The following U2SURP variants were observed in gnomAD, a reference collection of about 807,000 sequenced individuals.
U2SURP encodes U2 snRNP-associated SURP motif-containing protein.
In U2SURP, 9 loss-of-function variants were observed where a neutral mutation model predicts 144.9. The ratio of observed to expected loss-of-function variants is 0.06; its 90% CI spans 0.04 to 0.11. The LOEUF (loss-of-function observed/expected upper bound fraction) is 0.11. Ranked by LOEUF, U2SURP falls within the 10% of genes least tolerant of loss-of-function variation. U2SURP has a pLI of 1.00. For synonymous variants in U2SURP, 408 were observed against 396.8 expected, an observed-to-expected ratio of 1.03 and a Z score of -0.33; for missense variants, 724 against 1,226.7, an observed-to-expected ratio of 0.59 and a Z score of 6.12.
intron 8 of U2SURP, 113 bp from the exon 9 acceptor site, chr3:143,021,237 T>C: frequency 1.7e-6 from 2 of 1,187,496 alleles, no homozygotes; most frequent in Non-Finnish European, 1.2e-6. Flanking sequence ...TGGTCTCTCT[T>C]TTTGTCTCTC....
intron 18 of U2SURP, among the ~76,000 whole-genome samples, chr3:143,033,645 A>G (rs1011554522): frequency 6.6e-6 from 1 of 152,166 alleles, no homozygotes; most frequent in Non-Finnish European, 1.5e-5. Context: ...TAACCTAGAG[A>G]TGATTTAACA....
At position 143,059,583 on chromosome 3, in the gene U2SURP, G is replaced by T. The variant is rs1458829061; in HGVS notation, c.*3133G>T. The T allele has an allele frequency of 6.6e-6, 1 of 151,884 alleles. No individual in the cohort carries two copies. The highest frequency in any genetic ancestry group is 1.9e-4 in the East Asian group (1 of 5,202). 9.4% of individuals were successfully genotyped at this position (151,884 alleles called of 1,614,324 possible). On this transcript the variant is annotated 3_prime_UTR_variant, in exon 28 of 28. Coordinates refer to ENST00000473835, the MANE Select transcript of U2SURP (RefSeq NM_001080415.2). ...ATCATTATTGTTATTCAAAATAAGG[G>T]TAAATAAATCTCTGTATTGCCAAAG...
chr3:143,007,986 G>C (rs1430466865), intron 1 of U2SURP, among the ~76,000 whole-genome samples: 10 of 152,176 alleles, frequency 6.6e-5, no homozygotes, highest in Non-Finnish European at 1.5e-4. Context: ...TGTAGCTGTA[G>C]GTATGTATCA....
chr3:143,023,831 A>T (rs1199741179), intron 12 of U2SURP, 144 bp from the exon 13 acceptor site: 1 of 695,364 alleles, frequency 1.4e-6, no homozygotes, highest in Non-Finnish European at 2.5e-6. Flanking sequence ...TGCTTAGTGT[A>T]TAATGACTTC....
At chr3:143,021,004 C>T (rs1936601315) in intron 8 of U2SURP, among the ~76,000 whole-genome samples, 1 of 152,240 alleles carries the variant, frequency 6.6e-6, no homozygotes, top group Non-Finnish European at 1.5e-5. Flanking sequence ...CCAGCCTGGC[C>T]AACATGATGA....
intron 16 of U2SURP, among the ~76,000 whole-genome samples, chr3:143,032,174 G>A (rs972547790): frequency 6.6e-6 from 1 of 152,092 alleles, no homozygotes; most frequent in South Asian, 2.1e-4. Flanking sequence ...CCAGGTTCAA[G>A]CAATTCTTCT....
rs1412557935 is a variant in U2SURP, at chr3:143,058,514, C to T, written c.*2064C>T. The T allele has an allele frequency of 6.6e-6, 1 of 151,516 alleles. No individual in the cohort carries two copies. Among genetic ancestry groups the T allele is most frequent in the Non-Finnish European group, 1.5e-5 (1 of 67,736 alleles). 9.4% of individuals were successfully genotyped at this position (151,516 alleles called of 1,614,324 possible). The stretch of plus-strand genomic sequence containing the variant: ...GTTGGGTGGGTGAGGATTTCTTAGG[C>T]CTGATAGAATATATATTCTGTGAAG... On this transcript the variant is annotated 3_prime_UTR_variant, in exon 28 of 28. Coordinates refer to ENST00000473835, the MANE Select transcript of U2SURP (RefSeq NM_001080415.2).
intron 1 of U2SURP, among the ~76,000 whole-genome samples, chr3:143,007,133 T>A (rs1260204781): frequency 1.3e-5 from 2 of 152,208 alleles, no homozygotes; most frequent in Non-Finnish European, 2.9e-5. Flanking sequence ...GAATGATCTT[T>A]TTTCCTTTTG....
At chr3:143,043,841 T>C (rs2108306450) in intron 24 of U2SURP, among the ~76,000 whole-genome samples, 1 of 151,600 alleles carries the variant, frequency 6.6e-6, no homozygotes, top group South Asian at 2.1e-4. Flanking sequence ...CAGTCTCGGC[T>C]CACTGCAAGC....
rs1469136517 is a variant in U2SURP at position 143,020,583 on chromosome 3, T to C, written c.639-16T>C. On this transcript the variant is annotated splice_polypyrimidine_tract_variant and intron_variant, in intron 7 of 27. Transcript: ENST00000473835. The stretch of plus-strand genomic sequence containing the variant: ...AATTTTGGCTCATTATAAGTGATTG[T>C]AAATATTTTCAACAGAATTCAAGAG... The C allele has an allele frequency of 6.3e-7, 1 of 1,596,454 alleles. No individual in the cohort carries two copies.
At chr3:143,010,917 T>C (rs1936090130) in intron 2 of U2SURP, 58 bp downstream of exon 2, 1 of 1,276,408 alleles carries the variant, frequency 7.8e-7, no homozygotes, top group African/African-American at 1.5e-5. Flanking sequence ...TCTCCTCATA[T>C]GTATCCCTAC....
chr3:143,022,458 C>CT (rs1052375621), intron 10 of U2SURP, 39 bp from the exon 11 acceptor site: 3 of 1,419,536 alleles, frequency 2.1e-6, no homozygotes, highest in African/African-American at 2.9e-5. Context: ...TTTCTTTTCC[C>CT]TTTTTTGCAT....
intron 2 of U2SURP, 97 bp downstream of exon 2, chr3:143,010,956 C>A: frequency 5.8e-6 from 5 of 863,720 alleles, no homozygotes; most frequent in South Asian, 3.9e-5. Flanking sequence ...CAAATAAATA[C>A]AATTGTATGT....
Position 143,034,992 on chromosome 3 carries a change from A to C in U2SURP, c.1941+17A>C. 1.0e-6 allele frequency: 1 copy of C among 966,110 alleles called. No homozygotes were observed. The allele number at this position is 966,110 out of a possible 1,614,324, so 59.8% of individuals were successfully genotyped here. The stretch of plus-strand genomic sequence containing the variant: ...AACTTTAAGGTACGTTTATTGTTTT[A>C]CTATTTTTGCCCTAGTGTTTTAAAT... On this transcript the variant is annotated intron_variant, in intron 19 of 27. Coordinates refer to ENST00000473835, the MANE Select transcript of U2SURP (RefSeq NM_001080415.2).
chr3:143,027,024 G>A, intron 13 of U2SURP, 125 bp from the exon 14 acceptor site: 1 of 714,192 alleles, frequency 1.4e-6, no homozygotes, highest in Non-Finnish European at 2.4e-6. Context: ...TACTTTTTTG[G>A]TATTAAATTC....
chr3:143,054,877 G>A, intron 26 of U2SURP, 66 bp from the exon 27 acceptor site: 3 of 1,449,934 alleles, frequency 2.1e-6, no homozygotes, highest in South Asian at 1.5e-5. Flanking sequence ...AGCTAATTTA[G>A]TAAAGGAAAA....
chr3:143,005,890 A>G (rs1235592903), intron 1 of U2SURP, among the ~76,000 whole-genome samples: 1 of 152,152 alleles, frequency 6.6e-6, no homozygotes. Flanking sequence ...AAAACTTGCT[A>G]CAAGATATTA....
intron 16 of U2SURP, among the ~76,000 whole-genome samples, chr3:143,030,029 A>G (rs1933388344): frequency 6.6e-6 from 1 of 152,218 alleles, no homozygotes; most frequent in Non-Finnish European, 1.5e-5. Context: ...TTTGAGGTTT[A>G]AGGAAAGAAG....
rs13715 is a variant in U2SURP at position 143,060,190 on chromosome 3, A to G, written c.*3740A>G. 0.6 allele frequency: 91,404 copies of G among 152,236 alleles called. 27,688 individuals carry two copies. Among genetic ancestry groups the G allele is most frequent in the East Asian group, 0.7 (3,601 of 5,172 alleles). The allele number at this position is 152,236 out of a possible 1,614,324, so 9.4% of individuals were successfully genotyped here. ...TAAATGCACTCATCATGTCACATGT[A>G]ATTGTGCTTGGAGTATTTGTGTTTT... On this transcript the variant is annotated 3_prime_UTR_variant, in exon 28 of 28. Transcript: ENST00000473835.
Sources: allele counts gnomAD v4.1 joint callset (sites outside exome capture counted in the v4.1 genomes callset), GRCh38; gene constraint gnomAD v4.1.1; transcripts MANE v1.5; gene names NCBI Gene and HGNC (gene_info 2026-07-23, HGNC 2026-07-21).